BMP6: variants seen among roughly 807,000 people sequenced by gnomAD.
BMP6 encodes bone morphogenetic protein 6.
A neutral mutation model predicts 54.1 loss-of-function variants in BMP6; 17 were observed. The ratio of observed to expected loss-of-function variants is 0.31; its 90% CI spans 0.22 to 0.47. The LOEUF (loss-of-function observed/expected upper bound fraction) is 0.47. Among genes scored for constraint, BMP6 ranks in the 20% least tolerant of loss-of-function variants. The pLI is 1.00. For missense variants in BMP6, 720 were observed against 690.4 expected (o/e 1.04, Z -0.48); for synonymous variants, 328 against 291.2 (o/e 1.13, Z -1.28).
intron 1 of BMP6, among the ~76,000 whole-genome samples, chr6:7,807,913 C>CTTTTTTTTTTTTTTTTTTTT (rs755894743): frequency 1.2e-5 from 1 of 81,502 alleles, no homozygotes. Flanking sequence ...GAAGTCTTTA[C>CTTTTTTTTTTTTTTTTTTTT]TTTTTTTTTT....
intron 1 of BMP6, among the ~76,000 whole-genome samples, chr6:7,785,623 CCATGTCTGCTGCTAG>C (rs1365450059): frequency 3.9e-5 from 6 of 152,154 alleles, no homozygotes; most frequent in African/African-American, 1.4e-4. Context: ...TAGACTCTTC[CCATGTCTGCTGCTAG>C]AAGGAACGTG....
At position 7,813,669 on chromosome 6, in the gene BMP6, ACCCACC is replaced by A. The variant is rs1561780332; in HGVS notation, c.665-31470_665-31465del. 5.4e-4 allele frequency among the ~76,000 whole-genome samples: 14 copies of A among 26,026 alleles called. 3 individuals carry two copies. The highest frequency in any genetic ancestry group is 2.0e-3 in the Admixed American group (4 of 2,040). 17.1% of individuals were successfully genotyped at this position (26,026 alleles called of 152,430 possible). On this transcript the variant is annotated intron_variant, in intron 1 of 6. Coordinates refer to ENST00000283147, the MANE Select transcript of BMP6 (RefSeq NM_001718.6). ...AAAAAAAAAAAAAAAAAAAAAAAAA[ACCCACC>A]AAACCCAGTATAGAAAATATATATT...
intron 2 of BMP6, among the ~76,000 whole-genome samples, chr6:7,857,586 GAC>G (rs1759267232): frequency 6.6e-6 from 1 of 152,206 alleles, no homozygotes; most frequent in African/African-American, 2.4e-5. Flanking sequence ...CTTTATCAGT[GAC>G]ACACATTTTA....
In BMP6 at chr6:7,859,335, G is replaced by A. The variant is rs112870655; in HGVS notation, c.858-2116G>A. ...CTCACGCTTTGAACTGTATTTCTCT[G>A]TATCCTTATTATAAGTCTTTAAAAT... On this transcript the variant is annotated intron_variant, in intron 2 of 6. Transcript: ENST00000283147. Among the ~76,000 whole-genome samples, 7 of 151,882 alleles carry A rather than the reference G, an allele frequency of 4.6e-5. 1 individual carries two copies. Among genetic ancestry groups the A allele is most frequent in the African/African-American group, 1.4e-4 (6 of 41,398 alleles).
intron 4 of BMP6, among the ~76,000 whole-genome samples, chr6:7,869,009 C>G (rs1426667446): frequency 6.6e-6 from 1 of 152,212 alleles, no homozygotes; most frequent in East Asian, 1.9e-4. Context: ...ACTGAAGTTG[C>G]AAAGCACAGC....
At chr6:7,847,912 A>G (rs1759090289) in intron 2 of BMP6, among the ~76,000 whole-genome samples, 1 of 152,260 alleles carries the variant, frequency 6.6e-6, no homozygotes. Flanking sequence ...TCAAAAGTTG[A>G]GAATAAGCCC....
At chr6:7,867,721 A>G (rs1036902494) in intron 4 of BMP6, among the ~76,000 whole-genome samples, 1 of 152,232 alleles carries the variant, frequency 6.6e-6, no homozygotes, top group African/African-American at 2.4e-5. Context: ...TATGAAATCA[A>G]ACCTTAATTC....
intron 1 of BMP6, among the ~76,000 whole-genome samples, chr6:7,761,801 C>A (rs949954119): frequency 6.6e-6 from 1 of 152,206 alleles, no homozygotes; most frequent in Non-Finnish European, 1.5e-5. Context: ...ACTTTCTGAT[C>A]GCTCAGTTGT....
At chr6:7,803,319 G>T (rs1015077283) in intron 1 of BMP6, among the ~76,000 whole-genome samples, 1 of 152,016 alleles carries the variant, frequency 6.6e-6, no homozygotes, top group Admixed American at 6.6e-5. Flanking sequence ...AAAAAGTCTG[G>T]GTTTGGTCCA....
At chr6:7,745,738 G>A (rs773417341) in intron 1 of BMP6, among the ~76,000 whole-genome samples, 23 of 152,056 alleles carry the variant, frequency 1.5e-4, no homozygotes, top group Non-Finnish European at 2.4e-4. Flanking sequence ...TGTGGCAGCT[G>A]GCTTGAGGGA....
intron 2 of BMP6, among the ~76,000 whole-genome samples, chr6:7,855,543 C>CAA (rs1759212257): frequency 9.0e-6 from 1 of 111,604 alleles, no homozygotes; most frequent in Admixed American, 9.7e-5. Flanking sequence ...CTCAATCTCT[C>CAA]TCTCTCTCTC....
intron 1 of BMP6, among the ~76,000 whole-genome samples, chr6:7,813,458 CAAAAAAAAAA>C (rs58314970): frequency 1.6e-5 from 1 of 64,362 alleles, no homozygotes; most frequent in African/African-American, 6.4e-5. Context: ...CCTGTCTCTA[CAAAAAAAAAA>C]AAAAAAAAAA....
chr6:7,878,375 T>C (rs1371947069), intron 4 of BMP6, among the ~76,000 whole-genome samples: 2 of 152,202 alleles, frequency 1.3e-5, no homozygotes, highest in South Asian at 4.1e-4. Context: ...CCCAGTGCTC[T>C]TGCTGGTGAT....
intron 2 of BMP6, among the ~76,000 whole-genome samples, chr6:7,845,607 A>G (rs2113255424): frequency 6.6e-6 from 1 of 152,372 alleles, no homozygotes; most frequent in South Asian, 2.1e-4. Flanking sequence ...TATTAGGGTT[A>G]AAATGTTCCC....
At chr6:7,865,942 A>C (rs1043321445) in intron 4 of BMP6, among the ~76,000 whole-genome samples, 1 of 152,226 alleles carries the variant, frequency 6.6e-6, no homozygotes, top group African/African-American at 2.4e-5. Context: ...CAAGGAAATA[A>C]GAGGCTATTT....
In BMP6 at chr6:7,880,221, C is replaced by T. The variant is rs762787421; in HGVS notation, c.1420C>T (p.Pro474Ser). Reference protein sequence around the residue: ...LVHLMNPEYVPKPCCAPTKLN... With the variant: ...LVHLMNPEYVSKPCCAPTKLN... ...TCACCTTATGAACCCCGAGTATGTC[C>T]CCAAACCGTGCTGTGCGCCAACTAA... Residue 474 changes from proline to serine, a missense_variant, in exon 7 of 7, where the codon CCC (proline) becomes TCC (serine). Coordinates refer to ENST00000283147, the MANE Select transcript of BMP6 (RefSeq NM_001718.6). 1 of 1,614,130 alleles carries T rather than the reference C, an allele frequency of 6.2e-7. No individual in the cohort carries two copies. Among genetic ancestry groups the T allele is most frequent in the Non-Finnish European group, 8.5e-7 (1 of 1,180,034 alleles).
intron 1 of BMP6, among the ~76,000 whole-genome samples, chr6:7,759,120 T>C (rs1757568494): frequency 6.6e-6 from 1 of 152,224 alleles, no homozygotes. Flanking sequence ...ATCTTGCCGC[T>C]GTCTTGGGAT....
At chr6:7,861,867 G>T (rs1298830687) in intron 3 of BMP6, among the ~76,000 whole-genome samples, 4 of 152,170 alleles carry the variant, frequency 2.6e-5, no homozygotes, top group African/African-American at 9.7e-5. Context: ...GCTTTTCTAG[G>T]CAGAGGCAGG....
chr6:7,777,904 A>G (rs1757885991), intron 1 of BMP6, among the ~76,000 whole-genome samples: 1 of 152,148 alleles, frequency 6.6e-6, no homozygotes. Flanking sequence ...TGTATACATT[A>G]GTTCATGTTT....
Sources: gnomAD v4.1 joint callset for allele counts (sites outside exome capture counted in the v4.1 genomes callset) on GRCh38, gnomAD v4.1.1 for gene constraint, MANE v1.5 for transcripts, NCBI Gene and HGNC (gene_info 2026-07-23, HGNC 2026-07-21) for gene names.